Variants in TAF2 observed in about 807,000 individuals in gnomAD.
TAF2 encodes TATA-box binding protein associated factor 2.
A neutral mutation model predicts 138.5 loss-of-function variants in TAF2; 61 were observed. That is an observed-to-expected ratio of 0.44 (90% CI 0.36 to 0.54). TAF2 has a LOEUF of 0.54. Among genes scored for constraint, TAF2 ranks in the 20% least tolerant of loss-of-function variants. The probability of loss-of-function intolerance (pLI) is 0.00; values close to 1 mark genes in which losing one functional copy is unlikely to be tolerated. For synonymous variants in TAF2, 475 were observed against 469.9 expected, an observed-to-expected ratio of 1.01 and a Z score of -0.14; for missense variants, 1,090 against 1,427.9, an observed-to-expected ratio of 0.76 and a Z score of 3.81.
intron 5 of TAF2, 59 bp from the exon 6 acceptor site, chr8:119,802,084 C>T (rs1053564751): frequency 2.9e-6 from 4 of 1,357,320 alleles, no homozygotes; most frequent in Non-Finnish European, 4.1e-6. Flanking sequence ...CATTGTTTTC[C>T]CCACATGCAA....
intron 11 of TAF2, among the ~76,000 whole-genome samples, chr8:119,790,007 A>G: frequency 6.6e-6 from 1 of 152,186 alleles, no homozygotes; most frequent in South Asian, 2.1e-4. Context: ...AGTAAGAATA[A>G]TATATAATAC....
At position 119,778,020 on chromosome 8, in the gene TAF2, T is replaced by A. The variant is rs773190821; in HGVS notation, c.2363A>T (p.Lys788Met). Residue 788 changes from lysine to methionine, a missense_variant and splice_region_variant, in exon 18 of 26, where the codon AAG (lysine) becomes ATG (methionine). By Grantham distance (95) the Lys-to-Met change is moderately conservative (BLOSUM62 -1). Transcript: ENST00000378164. Reference sequence around the variant, plus strand: ...GATTTAAAAATAAAAGTACCTCACCTTATTTTTCCTGTTGTCATTGTACTT... The same window carrying A: ...GATTTAAAAATAAAAGTACCTCACCATATTTTTCCTGTTGTCATTGTACTT... ...LIKYNDNRKN[K>M]FSDNYYRAEM... 6.7e-7 allele frequency: 1 copy of A among 1,486,468 alleles called. No homozygotes were observed. Among genetic ancestry groups the A allele is most frequent in the Non-Finnish European group, 9.3e-7 (1 of 1,072,296 alleles). 92.1% of individuals were successfully genotyped at this position (1,486,468 alleles called of 1,614,324 possible).
At position 119,801,931 on chromosome 8, in the gene TAF2, C is replaced by G; in HGVS notation, c.655G>C (p.Asp219His). The change falls in exon 6 of 26, where the codon GAT (aspartate) becomes CAT (histidine). Residue 219 changes from aspartate (D) to histidine (H), a missense_variant. Asp to His is a moderately conservative substitution (Grantham distance 81). Transcript: ENST00000378164. ...DAAMVAVSNGDLVETVYTHDM... is the reference protein window; with the variant it reads ...DAAMVAVSNGHLVETVYTHDM... ...TGAGTATACACTGTCTCCACCAAAT[C>G]GCCATTAGAAACAGCAACCATTGCA... 1 of 1,614,138 alleles carries G rather than the reference C, an allele frequency of 6.2e-7. No homozygotes were observed. The highest frequency in any genetic ancestry group is 8.5e-7 in the Non-Finnish European group (1 of 1,180,024).
chr8:119,816,601 G>A (rs927571114), intron 3 of TAF2, among the ~76,000 whole-genome samples: 2 of 152,154 alleles, frequency 1.3e-5, no homozygotes, highest in African/African-American at 2.4e-5. Context: ...TTAGAAATAA[G>A]TAACAGAAGC....
At chr8:119,831,787 C>A (rs1404033641) in intron 1 of TAF2, 56 bp from the exon 2 acceptor site, 5 of 1,163,170 alleles carry the variant, frequency 4.3e-6, no homozygotes, top group Non-Finnish European at 6.0e-6. Context: ...ATTATTAAAT[C>A]AAAGTATAAT....
Position 119,752,170 on chromosome 8 carries a change from AT to A in TAF2, c.2878+3835del, listed in dbSNP as rs536945496. ...AAAGTATATGATTATGCATTGTATT[AT>A]TCTTAAAATTTTTAAGCTTTAAAAA... On this transcript the variant is annotated intron_variant, in intron 22 of 25. Coordinates refer to ENST00000378164, the MANE Select transcript of TAF2 (RefSeq NM_003184.4). Among the ~76,000 whole-genome samples the A allele has an allele frequency of 2.9e-3, 449 of 152,332 alleles. 2 individuals are homozygous for A. The highest frequency in any genetic ancestry group is 0.01 in the African/African-American group (423 of 41,578).
chr8:119,739,636 G>C (rs550568871), intron 25 of TAF2, among the ~76,000 whole-genome samples: 132 of 150,904 alleles, frequency 8.7e-4, no homozygotes, highest in African/African-American at 3.1e-3. Context: ...ATTATCATCG[G>C]GCTCCTTGGC....
At chr8:119,752,908 T>C (rs564888203) in intron 22 of TAF2, among the ~76,000 whole-genome samples, 1 of 152,298 alleles carries the variant, frequency 6.6e-6, no homozygotes, top group East Asian at 1.9e-4. Context: ...CAGATAACGC[T>C]TATCTCAAGT....
intron 23 of TAF2, among the ~76,000 whole-genome samples, chr8:119,746,112 C>T (rs1008838997): frequency 2.6e-5 from 4 of 152,040 alleles, no homozygotes; most frequent in Non-Finnish European, 5.9e-5. Context: ...TGGCTCACGC[C>T]TGTAATCCTA....
chr8:119,797,962 T>C, intron 6 of TAF2, 116 bp from the exon 7 acceptor site: 2 of 992,216 alleles, frequency 2.0e-6, no homozygotes, highest in Non-Finnish European at 1.5e-6. Context: ...CTTTAATAAT[T>C]TCAAGATGCT....
intron 1 of TAF2, among the ~76,000 whole-genome samples, 195 bp downstream of exon 1, chr8:119,832,287 C>G (rs770731418): frequency 6.6e-5 from 10 of 152,014 alleles, no homozygotes; most frequent in Non-Finnish European, 1.5e-4. Context: ...TAGTAACTTG[C>G]AACGGGAATT....
chr8:119,739,315 G>A (rs765387093), intron 25 of TAF2, among the ~76,000 whole-genome samples: 3 of 152,096 alleles, frequency 2.0e-5, no homozygotes, highest in African/African-American at 7.2e-5. Context: ...CCCTATCACC[G>A]TGGGAACCAT....
chr8:119,744,078 T>C (rs1383703125), intron 24 of TAF2, among the ~76,000 whole-genome samples: 1 of 152,204 alleles, frequency 6.6e-6, no homozygotes, highest in Non-Finnish European at 1.5e-5. Context: ...AGCAAATACT[T>C]AAAAAGGACC....
intron 15 of TAF2, 104 bp from the exon 16 acceptor site, chr8:119,783,737 T>C (rs1330710520): frequency 1.4e-6 from 2 of 1,398,938 alleles, no homozygotes; most frequent in Admixed American, 2.1e-5. Context: ...TCCTTTTAGA[T>C]GTAGTATTCA....
chr8:119,795,970 G>A (rs1823797319), intron 8 of TAF2, among the ~76,000 whole-genome samples: 1 of 152,006 alleles, frequency 6.6e-6, no homozygotes, highest in Admixed American at 6.6e-5. Context: ...CTTGCTCATA[G>A]CCAGGACTAT....
At chr8:119,808,926 A>G (rs182431639) in intron 3 of TAF2, among the ~76,000 whole-genome samples, 41 of 152,330 alleles carry the variant, frequency 2.7e-4, no homozygotes, top group South Asian at 6.2e-4. Context: ...TAGATTTAGC[A>G]TAATTGTTAA....
intron 3 of TAF2, among the ~76,000 whole-genome samples, chr8:119,808,320 C>G (rs1824804618): frequency 1.3e-5 from 2 of 152,214 alleles, no homozygotes; most frequent in African/African-American, 2.4e-5. Flanking sequence ...CTCCTCCGTC[C>G]ATTAAAGTTG....
intron 1 of TAF2, among the ~76,000 whole-genome samples, chr8:119,832,083 C>T (rs542956160): frequency 6.6e-6 from 1 of 152,090 alleles, no homozygotes; most frequent in East Asian, 1.9e-4. Context: ...AGCTTGAACC[C>T]GGCAGGTGGA....
intron 18 of TAF2, among the ~76,000 whole-genome samples, chr8:119,774,222 C>T (rs182215479): frequency 3.3e-5 from 5 of 152,082 alleles, no homozygotes; most frequent in African/African-American, 1.2e-4. Context: ...AGATTAAGCA[C>T]CTGGAAAGAT....
Sources: gnomAD v4.1 joint callset for allele counts (sites outside exome capture counted in the v4.1 genomes callset) on GRCh38, gnomAD v4.1.1 for gene constraint, MANE v1.5 for transcripts, NCBI Gene and HGNC (gene_info 2026-07-23, HGNC 2026-07-21) for gene names.